The following SDK1 variants were observed in gnomAD, a reference collection of about 807,000 sequenced individuals.
The protein encoded by SDK1 is sidekick cell adhesion molecule 1.
SDK1 carries 157 observed loss-of-function variants against 245.5 expected under a neutral mutation model. The ratio of observed to expected loss-of-function variants is 0.64; its 90% CI spans 0.56 to 0.73. The LOEUF (loss-of-function observed/expected upper bound fraction) is 0.73. Among genes scored for constraint, SDK1 ranks in the 30% least tolerant of loss-of-function variants. The pLI is 0.00. For synonymous variants in SDK1, 1,647 were observed against 1,278.5 expected, an observed-to-expected ratio of 1.29 and a Z score of -6.15; for missense variants, 3,583 against 3,002.3, an observed-to-expected ratio of 1.19 and a Z score of -4.52.
intron 2 of SDK1, among the ~76,000 whole-genome samples, chr7:3,630,046 T>C (rs920089745): frequency 1.3e-5 from 2 of 151,996 alleles, no homozygotes; most frequent in African/African-American, 4.8e-5. Context: ...GAAGAAGATA[T>C]TAATAAAGCT....
intron 1 of SDK1, among the ~76,000 whole-genome samples, chr7:3,617,587 T>C (rs1421971949): frequency 1.3e-5 from 2 of 152,216 alleles, no homozygotes; most frequent in African/African-American, 4.8e-5. Context: ...TTCTAGAGGC[T>C]GGACAGTTCA....
intron 19 of SDK1, among the ~76,000 whole-genome samples, chr7:4,062,147 A>C (rs900332866): frequency 6.6e-6 from 1 of 152,112 alleles, no homozygotes; most frequent in African/African-American, 2.4e-5. Context: ...ATAATAATAA[A>C]AACAATACAA....
At chr7:3,947,530 TTGTGTGTGTGTGTG>T (rs745830597) in intron 5 of SDK1, among the ~76,000 whole-genome samples, 53 of 140,370 alleles carry the variant, frequency 3.8e-4, no homozygotes, top group Non-Finnish European at 5.1e-4. Context: ...AAGTATTTGC[TTGTGTGTGTGTGTG>T]TGTGTGTGTG....
At chr7:3,920,170 C>G (rs1303909832) in intron 5 of SDK1, among the ~76,000 whole-genome samples, 1 of 152,182 alleles carries the variant, frequency 6.6e-6, no homozygotes, top group African/African-American at 2.4e-5. Flanking sequence ...CACTGAGGAT[C>G]AGCAGGGGAA....
intron 14 of SDK1, among the ~76,000 whole-genome samples, chr7:4,001,477 G>A (rs1785067593): frequency 6.6e-6 from 1 of 152,218 alleles, no homozygotes; most frequent in Non-Finnish European, 1.5e-5. Flanking sequence ...GGCTCTGGAG[G>A]CCACAGTGCC....
chr7:3,857,645 C>T (rs936106249), intron 5 of SDK1, among the ~76,000 whole-genome samples: 1 of 151,418 alleles, frequency 6.6e-6, no homozygotes, highest in African/African-American at 2.4e-5. Flanking sequence ...TATGATGGCA[C>T]CACTGCACTC....
intron 4 of SDK1, among the ~76,000 whole-genome samples, chr7:3,785,955 C>T (rs758391448): frequency 2.0e-5 from 3 of 152,152 alleles, no homozygotes; most frequent in Non-Finnish European, 4.4e-5. Context: ...ACAGTTTTAG[C>T]GATTGCTTGC....
intron 5 of SDK1, among the ~76,000 whole-genome samples, chr7:3,833,911 G>C (rs1345881808): frequency 6.6e-6 from 1 of 152,140 alleles, no homozygotes; most frequent in African/African-American, 2.4e-5. Context: ...GTTTGCACTT[G>C]AAGGATGGAT....
intron 1 of SDK1, among the ~76,000 whole-genome samples, chr7:3,421,923 A>G (rs1222629249): frequency 6.6e-6 from 1 of 152,074 alleles, no homozygotes; most frequent in Non-Finnish European, 1.5e-5. Flanking sequence ...TAATCCCAGC[A>G]CTTCTGGAGG....
At chr7:3,620,274 A>T (rs547821189) in intron 2 of SDK1, among the ~76,000 whole-genome samples, 78 of 150,156 alleles carry the variant, frequency 5.2e-4, no homozygotes, top group South Asian at 8.6e-4. Flanking sequence ...AAAATCAATT[A>T]AAAAAAATAT....
chr7:3,562,475 G>A (rs1423910254), intron 1 of SDK1, among the ~76,000 whole-genome samples: 1 of 151,946 alleles, frequency 6.6e-6, no homozygotes, highest in Admixed American at 6.6e-5. Flanking sequence ...GGGATGCATG[G>A]GTGCTAAAAA....
intron 1 of SDK1, among the ~76,000 whole-genome samples, chr7:3,531,416 T>C (rs768881198): frequency 7.2e-5 from 11 of 152,210 alleles, no homozygotes; most frequent in Non-Finnish European, 1.5e-4. Flanking sequence ...ATTTAAATTT[T>C]TTATTTTCTT....
At chr7:3,569,078 A>G (rs963795684) in intron 1 of SDK1, among the ~76,000 whole-genome samples, 3 of 150,778 alleles carry the variant, frequency 2.0e-5, no homozygotes, top group African/African-American at 7.3e-5. Context: ...CTGAAAAATT[A>G]ACGAGTCTGT....
At chr7:3,459,236 T>C (rs1246185372) in intron 1 of SDK1, among the ~76,000 whole-genome samples, 2 of 152,246 alleles carry the variant, frequency 1.3e-5, no homozygotes, top group Non-Finnish European at 2.9e-5. Flanking sequence ...CATAGGAATT[T>C]GGTACTGTAT....
chr7:3,324,787 G>C (rs1779900708), intron 1 of SDK1, among the ~76,000 whole-genome samples: 2 of 152,062 alleles, frequency 1.3e-5, no homozygotes, highest in African/African-American at 4.8e-5. Context: ...AGTGCTTTAA[G>C]TTTTTCTCCT....
intron 1 of SDK1, among the ~76,000 whole-genome samples, chr7:3,375,237 A>C (rs1455168357): frequency 1.3e-5 from 2 of 152,192 alleles, no homozygotes; most frequent in East Asian, 1.9e-4. Context: ...ACACTAGTGG[A>C]GACTTGCCTT....
At chr7:3,838,234 C>T (rs191180790) in intron 5 of SDK1, among the ~76,000 whole-genome samples, 156 of 152,294 alleles carry the variant, frequency 1.0e-3, no homozygotes, top group Non-Finnish European at 2.1e-3. Flanking sequence ...ATCAGTTATG[C>T]CCGGTGCCAG....
At chr7:4,073,161 GCCTCTCT>G (rs904730323) in intron 20 of SDK1, among the ~76,000 whole-genome samples, 6 of 152,172 alleles carry the variant, frequency 3.9e-5, no homozygotes, top group Non-Finnish European at 5.9e-5. Flanking sequence ...GGCTCCGGGC[GCCTCTCT>G]CCTCTCTCCT....
At chr7:4,175,719 T>C (rs1234885120) in intron 33 of SDK1, 56 bp from the exon 34 acceptor site, 13 of 1,424,374 alleles carry the variant, frequency 9.1e-6, no homozygotes, top group Admixed American at 1.7e-5. Context: ...GCACATCACC[T>C]GCGATGGCCG....
Sources: allele counts gnomAD v4.1 joint callset (sites outside exome capture counted in the v4.1 genomes callset), GRCh38; gene constraint gnomAD v4.1.1; transcripts MANE v1.5; gene names NCBI Gene and HGNC (gene_info 2026-07-23, HGNC 2026-07-21).